Variants in TRPC3 observed in about 807,000 individuals in gnomAD.
TRPC3 encodes the protein short transient receptor potential channel 3.
In TRPC3, 54 loss-of-function variants were observed where a neutral mutation model predicts 90.9. The ratio of observed to expected loss-of-function variants is 0.59; its 90% CI spans 0.48 to 0.75. TRPC3 has a LOEUF of 0.75. Among genes scored for constraint, TRPC3 ranks in the 30% least tolerant of loss-of-function variants. The pLI is 0.00. For synonymous variants in TRPC3, 424 were observed against 450.9 expected (o/e 0.94, Z 0.75); for missense variants, 918 against 1,194.5 (o/e 0.77, Z 3.41).
At chr4:121,935,588 C>T (rs1040852934) in intron 1 of TRPC3, among the ~76,000 whole-genome samples, 14 of 152,074 alleles carry the variant, frequency 9.2e-5, no homozygotes, top group African/African-American at 3.1e-4. Context: ...ATTAGTGGTA[C>T]TGACTTCATT....
chr4:121,947,279 A>G (rs916836028), intron 1 of TRPC3, among the ~76,000 whole-genome samples: 1 of 152,126 alleles, frequency 6.6e-6, no homozygotes, highest in African/African-American at 2.4e-5. Flanking sequence ...CTGTAAAGAA[A>G]GCCGCCTCTT....
intron 1 of TRPC3, among the ~76,000 whole-genome samples, chr4:121,938,953 C>G (rs1173604374): frequency 6.6e-6 from 1 of 152,196 alleles, no homozygotes; most frequent in African/African-American, 2.4e-5. Flanking sequence ...GCCCACCCCA[C>G]CCTGCCTAGC....
In TRPC3 at chr4:121,932,345, C is replaced by T. The variant is rs1250056098; in HGVS notation, c.913G>A (p.Glu305Lys). ...ASPAYLSLSSEDPVLTALELS... is the reference protein window; with the variant it reads ...ASPAYLSLSSKDPVLTALELS... ...TCTAGGGCCGTAAGCACCGGGTCCT[C>T]GCTGGACAATGAGAGGTAAGCCGGG... Residue 305 changes from glutamate to lysine, a missense_variant, in exon 2 of 12, where the codon GAG becomes AAG. Glu to Lys is a moderately conservative substitution (Grantham distance 56, BLOSUM62 1). This residue lies in a region of TRPC3 where 609 missense variants were observed against 725.9 expected (regional missense o/e 0.84). Coordinates refer to ENST00000379645, the MANE Select transcript of TRPC3 (RefSeq NM_001130698.2). This position sits in a 1 kb window ranked among gnomAD's most constrained non-coding sequence, Gnocchi z 7.7. 2.5e-6 allele frequency: 4 copies of T among 1,614,004 alleles called. No individual in the cohort carries two copies. Among genetic ancestry groups the T allele is most frequent in the Non-Finnish European group, 3.4e-6 (4 of 1,180,024 alleles).
chr4:121,897,413 T>C (rs974668069), intron 10 of TRPC3, among the ~76,000 whole-genome samples: 3 of 109,700 alleles, frequency 2.7e-5, no homozygotes, highest in Non-Finnish European at 5.1e-5. Context: ...AATAGGGGAT[T>C]AATATCCAGA....
chr4:121,884,099 T>G (rs1250631687), intron 10 of TRPC3, among the ~76,000 whole-genome samples: 1 of 152,166 alleles, frequency 6.6e-6, no homozygotes, highest in Non-Finnish European at 1.5e-5. Context: ...ATTAATGAAA[T>G]TAATGCACCA....
intron 1 of TRPC3, among the ~76,000 whole-genome samples, chr4:121,940,875 T>C (rs935496629): frequency 1.3e-5 from 2 of 152,244 alleles, no homozygotes; most frequent in African/African-American, 4.8e-5. Flanking sequence ...TCTTATGTTT[T>C]ATTCTTGACA....
chr4:121,941,256 T>C (rs1020941223), intron 1 of TRPC3, among the ~76,000 whole-genome samples: 19 of 152,196 alleles, frequency 1.2e-4, no homozygotes, highest in Non-Finnish European at 2.5e-4. Flanking sequence ...AAATCCTTTA[T>C]TGAATGAGGT....
intron 9 of TRPC3, 29 bp downstream of exon 9, chr4:121,902,823 T>A (rs1449936418): frequency 2.0e-6 from 3 of 1,487,666 alleles, no homozygotes; most frequent in Non-Finnish European, 2.7e-6. Context: ...ACATTTATTT[T>A]AAGGTCTTGG....
At position 121,878,721 on chromosome 4, in the gene TRPC3, C is replaced by T. The variant is rs539410262; in HGVS notation, c.*1015G>A. 4.6e-5 allele frequency among the ~76,000 whole-genome samples: 7 copies of T among 152,264 alleles called. No homozygotes were observed. The East Asian group carries it at 7.7e-4, about 17-fold the overall frequency. On this transcript the variant is annotated 3_prime_UTR_variant, in exon 12 of 12. Coordinates refer to ENST00000379645, the MANE Select transcript of TRPC3 (RefSeq NM_001130698.2). ...CAAAGATGTCAATCATTGTAAGCAA[C>T]GATGGCAATAAATGCCCCAAAAGGA... is the stretch of plus-strand genomic sequence containing the variant.
At chr4:121,885,976 T>C (rs887975804) in intron 10 of TRPC3, among the ~76,000 whole-genome samples, 1 of 152,160 alleles carries the variant, frequency 6.6e-6, no homozygotes, top group Non-Finnish European at 1.5e-5. Context: ...ATGGAAATCC[T>C]AGAGAGAGGT....
At chr4:121,933,930 A>G (rs1439173121) in intron 1 of TRPC3, among the ~76,000 whole-genome samples, 1 of 152,238 alleles carries the variant, frequency 6.6e-6, no homozygotes, top group Non-Finnish European at 1.5e-5. Flanking sequence ...TGTAATAAGA[A>G]TTATTTAATT....
In TRPC3 at chr4:121,932,788, T is replaced by C. The variant is rs1729993015; in HGVS notation, c.470A>G (p.Asn157Ser). 6.2e-7 allele frequency: 1 copy of C among 1,611,558 alleles called. No individual in the cohort carries two copies. ...CAGCTCGGTCACCTCCAGGTGCTCG[T>C]TGCCCACAGCCAGCTGCAGCGCGTT... Reference protein sequence around the residue: ...GQNALQLAVGNEHLEVTELLL... With the variant: ...GQNALQLAVGSEHLEVTELLL... The change falls in exon 2 of 12, where the codon AAC becomes AGC. Residue 157 changes from asparagine (N) to serine (S), a missense_variant. Around this residue, in one of 4 missense-constraint regions of TRPC3, gnomAD observed 609 missense variants for 725.9 expected, o/e 0.84. Coordinates refer to ENST00000379645, the MANE Select transcript of TRPC3 (RefSeq NM_001130698.2). The surrounding 1 kb of genome is among the most constrained non-coding windows in gnomAD (Gnocchi z 7.7).
chr4:121,951,690 TG>T lies in TRPC3; in HGVS notation c.-11del. The T allele has an allele frequency of 7.6e-7, 1 of 1,313,120 alleles. No individual in the cohort carries two copies. 81.3% of individuals were successfully genotyped at this position (1,313,120 alleles called of 1,614,324 possible). A position where few individuals can be genotyped will look rare whatever the true frequency, so the allele number is the denominator to read the frequency against. ...TGACCTTGGTGGACATCGCGCCGGC[TG>T]CGGTCCGAGTGTGGGGGTGCCGGCT... On this transcript the variant is annotated 5_prime_UTR_variant, in exon 1 of 12. Transcript: ENST00000379645. The surrounding 1 kb of genome is among the most constrained non-coding windows in gnomAD (Gnocchi z 4.4).
At chr4:121,925,517 G>C (rs908751435) in intron 2 of TRPC3, among the ~76,000 whole-genome samples, 1 of 152,162 alleles carries the variant, frequency 6.6e-6, no homozygotes, top group Admixed American at 6.5e-5. Flanking sequence ...CAGAGGCAGG[G>C]GGCGGGAGTA....
intron 2 of TRPC3, among the ~76,000 whole-genome samples, chr4:121,929,929 C>T (rs188335827): frequency 1.3e-5 from 2 of 151,882 alleles, no homozygotes; most frequent in Admixed American, 6.6e-5. Flanking sequence ...AAGAATATAG[C>T]GAACACCATG....
chr4:121,924,695 C>A (rs1729640048), intron 3 of TRPC3, among the ~76,000 whole-genome samples: 1 of 152,106 alleles, frequency 6.6e-6, no homozygotes, highest in African/African-American at 2.4e-5. Flanking sequence ...CACGTGCCAC[C>A]ATGCCTGGCT....
At chr4:121,880,636 T>C (rs2149102416) in intron 11 of TRPC3, among the ~76,000 whole-genome samples, 1 of 152,216 alleles carries the variant, frequency 6.6e-6, no homozygotes, top group East Asian at 1.9e-4. Context: ...GGAGAGGCAG[T>C]ATTTGGTTAA....
chr4:121,951,235 C>A lies in TRPC3; in HGVS notation c.215+231G>T, dbSNP rs1464848546. ...TCCGTGTGCTTGAGCCTGGACAGAG[C>A]CCCTGCCACGCACTCGGCAGCCCCT... On this transcript the variant is annotated intron_variant, in intron 1 of 11. Coordinates refer to ENST00000379645, the MANE Select transcript of TRPC3 (RefSeq NM_001130698.2). This position sits in a 1 kb window ranked among gnomAD's most constrained non-coding sequence, Gnocchi z 4.4. 1.3e-5 allele frequency among the ~76,000 whole-genome samples: 2 copies of A among 152,116 alleles called. No individual in the cohort carries two copies. Among genetic ancestry groups the A allele is most frequent in the Non-Finnish European group, 2.9e-5 (2 of 67,994 alleles).
chr4:121,951,730 G>C lies in TRPC3; in HGVS notation c.-50C>G. The C allele has an allele frequency of 1.6e-6, 2 of 1,276,954 alleles. No individual in the cohort carries two copies. The highest frequency in any genetic ancestry group is 3.1e-5 in the African/African-American group (2 of 64,314). The allele number at this position is 1,276,954 out of a possible 1,614,324, so 79.1% of individuals were successfully genotyped here. The stretch of plus-strand genomic sequence containing the variant: ...GGGGTGCCGGCTGCCGGCCTCCTCC[G>C]CCTTCGCGGCAGTGCAGTCTTCCCG... On this transcript the variant is annotated 5_prime_UTR_variant, in exon 1 of 12. Coordinates refer to ENST00000379645, the MANE Select transcript of TRPC3 (RefSeq NM_001130698.2). This position sits in a 1 kb window ranked among gnomAD's most constrained non-coding sequence, Gnocchi z 4.4.
Sources: allele counts gnomAD v4.1 joint callset (sites outside exome capture counted in the v4.1 genomes callset), GRCh38; gene constraint gnomAD v4.1.1; regional missense constraint gnomAD v4.1.1; non-coding constraint Gnocchi (gnomAD v3.1); transcripts MANE v1.5; gene names NCBI Gene and HGNC (gene_info 2026-07-23, HGNC 2026-07-21).